RFX7: variants seen among roughly 807,000 people sequenced by gnomAD.
RFX7 encodes regulatory factor X7.
Under a neutral mutation model 111.8 loss-of-function variants are expected in RFX7, and 26 were observed. That is an observed-to-expected ratio of 0.23 (90% CI 0.17 to 0.32). RFX7 has a LOEUF of 0.32. Ranked by LOEUF, RFX7 falls within the 10% of genes least tolerant of loss-of-function variation. The pLI, the probability that RFX7 is intolerant of heterozygous loss-of-function variation, is 1.00. For synonymous variants in RFX7, 624 were observed against 624.4 expected, an observed-to-expected ratio of 1.00 and a Z score of 0.01; for missense variants, 1,573 against 1,772.9, an observed-to-expected ratio of 0.89 and a Z score of 2.02.
intron 3 of RFX7, among the ~76,000 whole-genome samples, chr15:56,154,696 A>AAT (rs199924616): frequency 0.068 from 10,280 of 152,290 alleles, 449 homozygotes; most frequent in Admixed American, 0.11. Context: ...AAACCTGGGC[A>AAT]ATAGTATTCA....
chr15:56,218,144 C>CTTTTTTTTTTTTTTTTTTTTTTTTT (rs869249448), intron 2 of RFX7, among the ~76,000 whole-genome samples: 1 of 57,974 alleles, frequency 1.7e-5, no homozygotes. Context: ...AAATGATTTT[C>CTTTTTTTTTTTTTTTTTTTTTTTTT]TTTTTTTTTT....
intron 3 of RFX7, among the ~76,000 whole-genome samples, chr15:56,157,386 G>GT (rs769024074): frequency 6.6e-6 from 1 of 151,914 alleles, no homozygotes; most frequent in African/African-American, 2.4e-5. Flanking sequence ...TTATTTTTCT[G>GT]TAAGATATAA....
intron 5 of RFX7, among the ~76,000 whole-genome samples, chr15:56,140,243 G>C (rs2042371348): frequency 6.6e-6 from 1 of 152,168 alleles, no homozygotes; most frequent in Non-Finnish European, 1.5e-5. Flanking sequence ...TTTGATCTCA[G>C]ACTGCTGTGC....
chr15:56,094,856 G>A lies in RFX7; in HGVS notation c.2872C>T (p.Pro958Ser). ...GATGTCGGGGTTGGGGTTGGGGTTGGAGTAGGAGTGGGTGTGGGTGTGGGT... is the reference window on the plus strand; with the variant it reads ...GATGTCGGGGTTGGGGTTGGGGTTGAAGTAGGAGTGGGTGTGGGTGTGGGT... ...PTPTPTPTPT[P>S]TPTPTPTSEM... The change falls in exon 10 of 10, where the codon CCA becomes TCA. Residue 958 changes from proline to serine, a missense_variant. By Grantham distance (74) the Pro-to-Ser change is moderately conservative. Transcript: ENST00000559447. The A allele has an allele frequency of 6.4e-7, 1 of 1,555,172 alleles. No individual in the cohort carries two copies. Among genetic ancestry groups the A allele is most frequent in the South Asian group, 1.2e-5 (1 of 82,104 alleles).
intron 2 of RFX7, 62 bp downstream of exon 2, chr15:56,243,063 A>ATTGAC: frequency 1.8e-6 from 1 of 543,646 alleles, no homozygotes; most frequent in Non-Finnish European, 3.1e-6. Flanking sequence ...GCCGCCCCCC[A>ATTGAC]CCCACTTTGC....
chr15:56,192,637 C>T, intron 2 of RFX7: 1 of 190,854 alleles, frequency 5.2e-6, no homozygotes, highest in Non-Finnish European at 1.2e-5. Flanking sequence ...AGACAGCTGA[C>T]AATAAACCCA....
At chr15:56,193,846 G>A (rs1348720327) in intron 2 of RFX7, among the ~76,000 whole-genome samples, 6 of 152,030 alleles carry the variant, frequency 3.9e-5, no homozygotes, top group African/African-American at 1.4e-4. Context: ...TCTTATCCAG[G>A]GGGGCTACAC....
rs1011142543 is a variant in RFX7, at chr15:56,144,813, G to A, written c.196-330C>T. Reference sequence around the variant, plus strand: ...TACTTGTCCTATAGGACAAGTACTGGACCAGGAATCAAGAGAAACAGTTAT... The same window carrying A: ...TACTTGTCCTATAGGACAAGTACTGAACCAGGAATCAAGAGAAACAGTTAT... On this transcript the variant is annotated intron_variant, in intron 3 of 9. Transcript: ENST00000559447. Among the ~76,000 whole-genome samples, 7 of 152,220 alleles carry A rather than the reference G, an allele frequency of 4.6e-5. No homozygotes were observed. The East Asian group carries it at 1.4e-3, about 29-fold the overall frequency.
At chr15:56,152,020 A>C (rs2042576584) in intron 3 of RFX7, among the ~76,000 whole-genome samples, 1 of 152,240 alleles carries the variant, frequency 6.6e-6, no homozygotes, top group Non-Finnish European at 1.5e-5. Context: ...TCCTAAATAT[A>C]TACGCAGCCA....
chr15:56,220,452 G>A (rs1024657012), intron 2 of RFX7, among the ~76,000 whole-genome samples: 1 of 151,850 alleles, frequency 6.6e-6, no homozygotes, highest in African/African-American at 2.4e-5. Context: ...GGCTGGTCTC[G>A]AACTCCTGAC....
intron 3 of RFX7, among the ~76,000 whole-genome samples, chr15:56,172,411 A>G (rs766620978): frequency 2.0e-5 from 3 of 152,276 alleles, no homozygotes; most frequent in Non-Finnish European, 4.4e-5. Flanking sequence ...GCATTTAACT[A>G]TTCATGAGAA....
Position 56,224,820 on chromosome 15 carries a change from A to G in RFX7, c.161+18305T>C, listed in dbSNP as rs147683916. Among the ~76,000 whole-genome samples the G allele has an allele frequency of 3.9e-3, 594 of 152,114 alleles. 3 individuals are homozygous for G. Among genetic ancestry groups the G allele is most frequent in the African/African-American group, 0.014 (569 of 41,528 alleles). On this transcript the variant is annotated intron_variant, in intron 2 of 9. Transcript: ENST00000559447. ...TTCTATTTTGTCCTACTTTTTGAAA[A>G]TCATCCCACTGTTGTTTGCATTTAA... is the stretch of plus-strand genomic sequence containing the variant.
At chr15:56,221,985 T>A (rs558734901) in intron 2 of RFX7, among the ~76,000 whole-genome samples, 1 of 152,356 alleles carries the variant, frequency 6.6e-6, no homozygotes, top group African/African-American at 2.4e-5. Flanking sequence ...TCATTTGATC[T>A]GAGTTTCTGA....
At chr15:56,217,773 T>A (rs1312557119) in intron 2 of RFX7, among the ~76,000 whole-genome samples, 1 of 152,216 alleles carries the variant, frequency 6.6e-6, no homozygotes. Flanking sequence ...TAGCTGTTAT[T>A]TGGTAGCAAC....
chr15:56,216,209 A>G (rs1481588631), intron 2 of RFX7, among the ~76,000 whole-genome samples: 1 of 152,198 alleles, frequency 6.6e-6, no homozygotes, highest in Non-Finnish European at 1.5e-5. Flanking sequence ...CTGAGTTTGT[A>G]TAAGATTAGA....
rs1163739203 is a variant in RFX7, at chr15:56,090,793, G to C, written c.*2552C>G. ...CTATTATATGAACCTCAGAAGCACT[G>C]CACAAAAAAACACTTTCCTTCTTTT... On this transcript the variant is annotated 3_prime_UTR_variant, in exon 10 of 10. Coordinates refer to ENST00000559447, the MANE Select transcript of RFX7 (RefSeq NM_022841.7). The C allele has an allele frequency of 6.6e-6, 1 of 152,416 alleles. No homozygotes were observed. The highest frequency in any genetic ancestry group is 2.4e-5 in the African/African-American group (1 of 41,408). 9.4% of individuals were successfully genotyped at this position (152,416 alleles called of 1,614,324 possible).
intron 5 of RFX7, among the ~76,000 whole-genome samples, chr15:56,110,698 C>T (rs1326347256): frequency 1.7e-3 from 5 of 2,894 alleles, no homozygotes; most frequent in Admixed American, 0.012. Context: ...CCCGGCCAGC[C>T]GCCCCGTCCG....
intron 2 of RFX7, among the ~76,000 whole-genome samples, chr15:56,208,360 T>C (rs1251936911): frequency 1.3e-5 from 2 of 152,122 alleles, no homozygotes; most frequent in Non-Finnish European, 2.9e-5. Flanking sequence ...GAAGCACTTG[T>C]GAAGTTTACA....
rs11071247 is a variant in RFX7 at position 56,095,733 on chromosome 15, C to T, written c.1995G>A (p.Gln665=). 0.99 allele frequency: 1,604,231 copies of T among 1,613,940 alleles called. 797,784 individuals carry two copies. Among genetic ancestry groups the T allele is most frequent in the East Asian group, 1 (44,866 of 44,866 alleles). The change falls in exon 10 of 10, where the codon CAG becomes CAA. Residue 665 remains glutamine, a synonymous_variant. Transcript: ENST00000559447. ...TCTTTACAGGAGGCACCTGGGTCTCCTGCAATGTAGAAGACAGTCGTTTTC... is the reference window on the plus strand; with the variant it reads ...TCTTTACAGGAGGCACCTGGGTCTCTTGCAATGTAGAAGACAGTCGTTTTC... ...SPRKRLSSTL[Q]ETQVPPVKKP...
Sources: allele counts gnomAD v4.1 joint callset (sites outside exome capture counted in the v4.1 genomes callset), GRCh38; gene constraint gnomAD v4.1.1; transcripts MANE v1.5; gene names NCBI Gene and HGNC (gene_info 2026-07-23, HGNC 2026-07-21).